The following SIRT1 variants were observed in gnomAD, a reference collection of about 807,000 sequenced individuals.
The protein encoded by SIRT1 is sirtuin 1.
SIRT1 carries 24 observed loss-of-function variants against 67.9 expected under a neutral mutation model. That is an observed-to-expected ratio of 0.35 (90% confidence interval 0.26 to 0.50). The LOEUF is 0.50. SIRT1 is among the 20% of genes least tolerant of loss of function. The pLI is 0.98. For synonymous variants in SIRT1, 378 were observed against 350.7 expected (o/e 1.08, Z -0.87); for missense variants, 873 against 937.2 (o/e 0.93, Z 0.89).
At chr10:67,899,322 A>G (rs1403609735) in intron 4 of SIRT1, among the ~76,000 whole-genome samples, 1 of 150,840 alleles carries the variant, frequency 6.6e-6, no homozygotes, top group African/African-American at 2.4e-5. Context: ...AAAGTTATAT[A>G]AATATATATA....
At chr10:67,906,083 C>G (rs1459819527) in intron 4 of SIRT1, 2 of 1,196,504 alleles carry the variant, frequency 1.7e-6, no homozygotes, top group African/African-American at 1.6e-5. Flanking sequence ...AAAACACTGT[C>G]AAAAGTTGGG....
chr10:67,896,242 C>G (rs960202237), intron 4 of SIRT1, among the ~76,000 whole-genome samples: 1 of 152,168 alleles, frequency 6.6e-6, no homozygotes, highest in African/African-American at 2.4e-5. Context: ...ACAGGAGGCT[C>G]CTGCCTGAGC....
At chr10:67,895,059 A>G (rs552437114) in intron 4 of SIRT1, among the ~76,000 whole-genome samples, 339 of 152,108 alleles carry the variant, frequency 2.2e-3, no homozygotes, top group African/African-American at 7.9e-3. Flanking sequence ...GCTAGGCTTT[A>G]CAGTTGTTAC....
chr10:67,913,971 G>A (rs539244210), intron 8 of SIRT1, among the ~76,000 whole-genome samples: 1 of 151,396 alleles, frequency 6.6e-6, no homozygotes, highest in Non-Finnish European at 1.5e-5. Flanking sequence ...ATAAATGTGA[G>A]TGATACTCAT....
At position 67,916,581 on chromosome 10, in the gene SIRT1, A is replaced by C. The variant is rs201949392; in HGVS notation, c.2232A>C (p.Ser744=). The change falls in exon 9 of 9, where the codon TCA becomes TCC. Residue 744 remains serine (S), a synonymous_variant. Transcript: ENST00000212015. ...AAGTAACAGACATGAACTATCCATCAAACAAATCATAGTGTAATAATTGTG... is the reference window on the plus strand; with the variant it reads ...AAGTAACAGACATGAACTATCCATCCAACAAATCATAGTGTAATAATTGTG... ...KQEVTDMNYP[S]NKS is the part of the protein sequence containing the mutation. 645 of 1,608,992 alleles carry C rather than the reference A, an allele frequency of 4.0e-4. 10 individuals are homozygous for C. The South Asian group carries it at 6.8e-3, about 17-fold the overall frequency.
At chr10:67,893,870 A>C (rs1320462170) in intron 4 of SIRT1, among the ~76,000 whole-genome samples, 3 of 152,186 alleles carry the variant, frequency 2.0e-5, no homozygotes, top group Non-Finnish European at 4.4e-5. Flanking sequence ...AATTTTAACT[A>C]AACAGTGGCC....
intron 3 of SIRT1, among the ~76,000 whole-genome samples, chr10:67,891,099 A>G (rs1842565938): frequency 6.6e-6 from 1 of 151,256 alleles, no homozygotes; most frequent in Non-Finnish European, 1.5e-5. Flanking sequence ...GAAATGGTTT[A>G]TTTTCTTCTC....
In SIRT1 at chr10:67,896,896, C is replaced by T. The variant is rs115837830; in HGVS notation, c.942+5342C>T. 3.0e-3 allele frequency among the ~76,000 whole-genome samples: 452 copies of T among 151,834 alleles called. 6 individuals carry two copies. Among genetic ancestry groups the T allele is most frequent in the African/African-American group, 0.011 (437 of 41,438 alleles). ...CTCATTGAGGCTAACTGAGGTGGCT[C>T]ACAACTTTAATCCCAGCCCTTTGGA... On this transcript the variant is annotated intron_variant, in intron 4 of 8. Transcript: ENST00000212015.
intron 4 of SIRT1, among the ~76,000 whole-genome samples, chr10:67,896,437 C>G (rs1842659316): frequency 6.6e-6 from 1 of 152,196 alleles, no homozygotes; most frequent in African/African-American, 2.4e-5. Flanking sequence ...GGCCACTGCA[C>G]CCGGCCTTGG....
rs1842828683 is a variant in SIRT1 at position 67,906,929 on chromosome 10, A to C, written c.1082A>C (p.Gln361Pro). 6.3e-7 allele frequency: 1 copy of C among 1,598,566 alleles called. No homozygotes were observed. Among genetic ancestry groups the C allele is most frequent in the Non-Finnish European group, 8.5e-7 (1 of 1,174,958 alleles). Residue 361 changes from glutamine (Q) to proline (P), a missense_variant, in exon 5 of 9, where the codon CAG becomes CCG. Physicochemically the swap from Gln to Pro is moderately conservative, Grantham distance 76 (BLOSUM62 -1). This residue lies in a region of SIRT1 where 251 missense variants were observed against 358.8 expected (regional missense o/e 0.70). Coordinates refer to ENST00000212015, the MANE Select transcript of SIRT1 (RefSeq NM_012238.5). ...EQVAGIQRII[Q>P]CHGSFATASC... ...GTTGCGGGAATCCAAAGGATAATTC[A>C]GTGTCATGGTTAGTAAACTTCAGAG...
intron 4 of SIRT1, among the ~76,000 whole-genome samples, chr10:67,898,620 T>C (rs577348750): frequency 2.0e-5 from 3 of 152,356 alleles, no homozygotes; most frequent in Non-Finnish European, 4.4e-5. Context: ...TGTATATGGA[T>C]TATATATCTA....
Position 67,916,540 on chromosome 10 carries a change from A to G in SIRT1, c.2191A>G (p.Ile731Val), listed in dbSNP as rs35224060. Reference sequence around the variant, plus strand: ...TGATCAAGAGGCAATTAATGAAGCTATATCTGTGAAACAGGAAGTAACAGA... The same window carrying G: ...TGATCAAGAGGCAATTAATGAAGCTGTATCTGTGAAACAGGAAGTAACAGA... ...GDDQEAINEA[I>V]SVKQEVTDMN... is the part of the protein sequence containing the mutation. The change falls in exon 9 of 9, where the codon ATA (isoleucine) becomes GTA (valine). Residue 731 changes from isoleucine to valine, a missense_variant. Physicochemically the swap from Ile to Val is conservative, Grantham distance 29 (BLOSUM62 3). Transcript: ENST00000212015. 1.8e-4 allele frequency: 287 copies of G among 1,614,146 alleles called. No individual in the cohort carries two copies. In the African/African-American group the frequency reaches 3.4e-3, roughly 19 times the overall value.
intron 3 of SIRT1, 94 bp from the exon 4 acceptor site, chr10:67,891,308 T>C: frequency 8.9e-7 from 1 of 1,126,868 alleles, no homozygotes; most frequent in Admixed American, 2.4e-5. Context: ...AAATTTTCTT[T>C]CTCAACTCTT....
intron 1 of SIRT1, among the ~76,000 whole-genome samples, chr10:67,886,582 T>C (rs1159423764): frequency 6.7e-6 from 1 of 149,752 alleles, no homozygotes; most frequent in Non-Finnish European, 1.5e-5. Context: ...AAAAGTAATA[T>C]GTGTTTTTAG....
chr10:67,902,157 T>A (rs1842754819), intron 4 of SIRT1, among the ~76,000 whole-genome samples: 1 of 152,052 alleles, frequency 6.6e-6, no homozygotes, highest in East Asian at 1.9e-4. Flanking sequence ...CCCGGCTAGT[T>A]ATTGTATTTT....
At chr10:67,914,167 G>A (rs891714430) in intron 8 of SIRT1, among the ~76,000 whole-genome samples, 11 of 146,980 alleles carry the variant, frequency 7.5e-5, no homozygotes, top group Non-Finnish European at 1.3e-4. Flanking sequence ...TGCGTCCCAG[G>A]TTCAAGAGAT....
intron 8 of SIRT1, among the ~76,000 whole-genome samples, chr10:67,915,429 C>CTG (rs2131894557): frequency 6.6e-6 from 1 of 152,276 alleles, no homozygotes; most frequent in South Asian, 2.1e-4. Flanking sequence ...ATTTGGTGTG[C>CTG]TGTAGAAAGA....
At chr10:67,897,844 T>C (rs1371063613) in intron 4 of SIRT1, among the ~76,000 whole-genome samples, 2 of 152,002 alleles carry the variant, frequency 1.3e-5, no homozygotes, top group African/African-American at 2.4e-5. Context: ...GATAATAAGT[T>C]GTGGTCATGG....
intron 4 of SIRT1, among the ~76,000 whole-genome samples, chr10:67,900,585 C>G (rs1044272170): frequency 6.6e-6 from 1 of 152,110 alleles, no homozygotes; most frequent in African/African-American, 2.4e-5. Context: ...GCTAGTACTA[C>G]AGGTGTGCAC....
Sources: allele counts gnomAD v4.1 joint callset (sites outside exome capture counted in the v4.1 genomes callset), GRCh38; gene constraint gnomAD v4.1.1; regional missense constraint gnomAD v4.1.1; transcripts MANE v1.5; gene names NCBI Gene and HGNC (gene_info 2026-07-23, HGNC 2026-07-21).